BTBD9: variants seen among roughly 807,000 people sequenced by gnomAD.
BTBD9 encodes BTB/POZ domain-containing protein 9.
In BTBD9, 49 loss-of-function variants were observed where a neutral mutation model predicts 64.3. The ratio of observed to expected loss-of-function variants is 0.76; its 90% confidence interval spans 0.61 to 0.97. The LOEUF (loss-of-function observed/expected upper bound fraction) is 0.97. Ranked by LOEUF, BTBD9 falls within the 50% of genes least tolerant of loss-of-function variation. The pLI is 0.00. For synonymous variants in BTBD9, 260 were observed against 274.7 expected, an observed-to-expected ratio of 0.95 and a Z score of 0.53; for missense variants, 598 against 762.1, an observed-to-expected ratio of 0.78 and a Z score of 2.53.
At chr6:38,578,166 G>A (rs2748168) in intron 5 of BTBD9, among the ~76,000 whole-genome samples, 55,111 of 151,800 alleles carry the variant, frequency 0.36, 10,093 homozygotes, top group African/African-American at 0.4. Flanking sequence ...CAGGGTGTTC[G>A]GCCACCCCTC....
intron 6 of BTBD9, among the ~76,000 whole-genome samples, chr6:38,473,102 A>C (rs974873818): frequency 6.6e-6 from 1 of 152,226 alleles, no homozygotes; most frequent in South Asian, 2.1e-4. Flanking sequence ...TTTCTCTTCC[A>C]AACAGAACAA....
At chr6:38,179,304 G>A in intron 10 of BTBD9, 1 of 367,338 alleles carries the variant, frequency 2.7e-6, no homozygotes, top group Non-Finnish European at 5.5e-6. Flanking sequence ...TAGCAATTTG[G>A]AATCAATAGG....
intron 1 of BTBD9, among the ~76,000 whole-genome samples, chr6:38,622,868 C>T (rs1378392702): frequency 6.6e-6 from 1 of 152,192 alleles, no homozygotes; most frequent in Non-Finnish European, 1.5e-5. Flanking sequence ...CAAACATACT[C>T]CCTGCATGAC....
At chr6:38,589,566 T>C (rs1776701405) in intron 4 of BTBD9, among the ~76,000 whole-genome samples, 1 of 152,222 alleles carries the variant, frequency 6.6e-6, no homozygotes, top group Admixed American at 6.5e-5. Flanking sequence ...TACCATTCTC[T>C]AGCACCTCTG....
intron 6 of BTBD9, among the ~76,000 whole-genome samples, chr6:38,390,620 G>A (rs964961002): frequency 6.6e-6 from 1 of 152,132 alleles, no homozygotes; most frequent in African/African-American, 2.4e-5. Context: ...ACCAGACATG[G>A]ATGCCTAGAC....
intron 6 of BTBD9, among the ~76,000 whole-genome samples, chr6:38,354,391 TATATA>T (rs1333238184): frequency 1.3e-5 from 2 of 152,168 alleles, no homozygotes; most frequent in Non-Finnish European, 2.9e-5. Flanking sequence ...TATGTTCATA[TATATA>T]ATATATCTAA....
At chr6:38,304,323 G>T (rs377654100) in intron 7 of BTBD9, among the ~76,000 whole-genome samples, 1 of 151,906 alleles carries the variant, frequency 6.6e-6, no homozygotes, top group Admixed American at 6.6e-5. Flanking sequence ...CGAGGTGGGC[G>T]GATCACGAGG....
At chr6:38,385,036 T>C (rs548694543) in intron 6 of BTBD9, among the ~76,000 whole-genome samples, 4 of 151,746 alleles carry the variant, frequency 2.6e-5, no homozygotes, top group South Asian at 4.2e-4. Flanking sequence ...TCAGGATCAG[T>C]GACCATGTGG....
chr6:38,543,956 CAAAA>C (rs1191747441), intron 6 of BTBD9, among the ~76,000 whole-genome samples: 1 of 71,390 alleles, frequency 1.4e-5, no homozygotes, highest in African/African-American at 5.3e-5. Flanking sequence ...GACTCCGTCT[CAAAA>C]AAAAAAAAAA....
At chr6:38,555,301 C>T (rs888277530) in intron 6 of BTBD9, among the ~76,000 whole-genome samples, 1 of 152,146 alleles carries the variant, frequency 6.6e-6, no homozygotes, top group Admixed American at 6.5e-5. Context: ...GGAAGACACA[C>T]AGACACATAA....
At chr6:38,282,068 T>C (rs1761531732) in intron 8 of BTBD9, among the ~76,000 whole-genome samples, 1 of 152,156 alleles carries the variant, frequency 6.6e-6, no homozygotes, top group Non-Finnish European at 1.5e-5. Flanking sequence ...AGAAAGATAA[T>C]AAGTCTTAAA....
At chr6:38,302,523 A>ATC (rs1762452320) in intron 7 of BTBD9, among the ~76,000 whole-genome samples, 2 of 132,928 alleles carry the variant, frequency 1.5e-5, no homozygotes, top group South Asian at 2.5e-4. Context: ...ATATATATAT[A>ATC]TCACATTCTC....
chr6:38,263,908 A>T (rs1764878921), intron 8 of BTBD9, among the ~76,000 whole-genome samples: 1 of 152,198 alleles, frequency 6.6e-6, no homozygotes, highest in Admixed American at 6.5e-5. Flanking sequence ...CACTGGACAG[A>T]AAAGGTACGC....
chr6:38,599,022 G>A (rs1285026630), intron 1 of BTBD9, among the ~76,000 whole-genome samples: 12 of 152,196 alleles, frequency 7.9e-5, no homozygotes, highest in Non-Finnish European at 1.8e-4. Context: ...TCCAACAAAA[G>A]AGTAATTCCA....
chr6:38,275,105 A>G (rs988213934), intron 8 of BTBD9, among the ~76,000 whole-genome samples: 15 of 152,234 alleles, frequency 9.9e-5, no homozygotes, highest in African/African-American at 2.4e-4. Flanking sequence ...CTATACTACA[A>G]GGCTACAGTA....
intron 4 of BTBD9, among the ~76,000 whole-genome samples, chr6:38,590,477 A>C (rs999809060): frequency 6.6e-6 from 1 of 152,256 alleles, no homozygotes; most frequent in Non-Finnish European, 1.5e-5. Context: ...CCCAGTGAAA[A>C]GAAATCTAGA....
At chr6:38,567,158 T>A (rs7755619) in intron 6 of BTBD9, among the ~76,000 whole-genome samples, 1 of 152,128 alleles carries the variant, frequency 6.6e-6, no homozygotes, top group Admixed American at 6.5e-5. Context: ...CAGTAACTAA[T>A]GTGTAAATTA....
At chr6:38,357,565 G>A (rs1302827096) in intron 6 of BTBD9, among the ~76,000 whole-genome samples, 1 of 152,126 alleles carries the variant, frequency 6.6e-6, no homozygotes, top group Non-Finnish European at 1.5e-5. Flanking sequence ...CAGGCTCTCT[G>A]CTCCACTCTC....
chr6:38,175,276 G>A, intron 10 of BTBD9, 94 bp from the exon 11 acceptor site: 2 of 1,339,812 alleles, frequency 1.5e-6, no homozygotes, highest in African/African-American at 2.9e-5. Context: ...CCAGCTTTGG[G>A]GGCCACCACG....
Sources: allele counts gnomAD v4.1 joint callset (sites outside exome capture counted in the v4.1 genomes callset), GRCh38; gene constraint gnomAD v4.1.1; transcripts MANE v1.5; gene names NCBI Gene and HGNC (gene_info 2026-07-23, HGNC 2026-07-21).